Variants in ASB1 observed in about 807,000 individuals in gnomAD.
ASB1 encodes ankyrin repeat and SOCS box protein 1.
In ASB1, 18 loss-of-function variants were observed where a neutral mutation model predicts 27.7. The observed-to-expected ratio is 0.65, with a 90% CI of 0.45 to 0.96. The LOEUF (loss-of-function observed/expected upper bound fraction) is 0.96. Among genes scored for constraint, ASB1 ranks in the 50% least tolerant of loss-of-function variants. ASB1 has a pLI of 0.00. For synonymous variants in ASB1, 189 were observed against 187.6 expected (o/e 1.01, Z -0.06); for missense variants, 397 against 451.7 (o/e 0.88, Z 1.10).
At position 238,433,539 on chromosome 2, in the gene ASB1, C is replaced by A. The variant is rs569248915; in HGVS notation, c.50-15C>A. On this transcript the variant is annotated splice_polypyrimidine_tract_variant and intron_variant, in intron 1 of 4. Coordinates refer to ENST00000264607, the MANE Select transcript of ASB1 (RefSeq NM_001040445.3). ...GGCCTCCATGAGCTAACAGGAGCCC[C>A]TCTCTTCAGTGCAGGTCGTAATCTG... is the stretch of plus-strand genomic sequence containing the variant. 14 of 1,613,578 alleles carry A rather than the reference C, an allele frequency of 8.7e-6. No homozygotes were observed. In the South Asian group the frequency reaches 1.4e-4, roughly 16 times the overall value.
At chr2:238,438,659 G>A (rs1032332895) in intron 3 of ASB1, among the ~76,000 whole-genome samples, 1 of 152,336 alleles carries the variant, frequency 6.6e-6, no homozygotes, top group Non-Finnish European at 1.5e-5. Context: ...ATAGTAGAGT[G>A]ATACGGTTAA....
chr2:238,426,968 G>A lies in ASB1; in HGVS notation c.-103G>A. The A allele has an allele frequency of 3.2e-6, 3 of 950,290 alleles. No individual in the cohort carries two copies. The highest frequency in any genetic ancestry group is 2.7e-6 in the Non-Finnish European group (2 of 734,636). The allele number at this position is 950,290 out of a possible 1,614,324, so 58.9% of individuals were successfully genotyped here. On this transcript the variant is annotated 5_prime_UTR_variant, in exon 1 of 5. Coordinates refer to ENST00000264607, the MANE Select transcript of ASB1 (RefSeq NM_001040445.3). ...GCCCGCCGGAAGCCGCGACCCCGACGCGCCCCCCATTGCCCTCGGCGCCGG... is the reference window on the plus strand; with the variant it reads ...GCCCGCCGGAAGCCGCGACCCCGACACGCCCCCCATTGCCCTCGGCGCCGG...
In ASB1 at chr2:238,444,329, T is replaced by G. The variant is rs758845690; in HGVS notation, c.495-13T>G. 2.5e-6 allele frequency: 4 copies of G among 1,591,506 alleles called. No individual in the cohort carries two copies. The highest frequency in any genetic ancestry group is 2.6e-6 in the Non-Finnish European group (3 of 1,164,448). On this transcript the variant is annotated splice_polypyrimidine_tract_variant and intron_variant, in intron 3 of 4. Coordinates refer to ENST00000264607, the MANE Select transcript of ASB1 (RefSeq NM_001040445.3). ...TCCCCTGCACAGTCTGACTTTCCCTTTCTTCCCTGCAGGTACGGGGCTGAT... is the reference window on the plus strand; with the variant it reads ...TCCCCTGCACAGTCTGACTTTCCCTGTCTTCCCTGCAGGTACGGGGCTGAT...
intron 3 of ASB1, among the ~76,000 whole-genome samples, chr2:238,443,936 T>G (rs571004191): frequency 6.6e-6 from 1 of 152,378 alleles, no homozygotes; most frequent in East Asian, 1.9e-4. Flanking sequence ...TATTGAAGAT[T>G]TAAAAGTTGG....
intron 2 of ASB1, 63 bp from the exon 3 acceptor site, chr2:238,435,648 G>A: frequency 1.3e-6 from 2 of 1,506,344 alleles, no homozygotes; most frequent in Non-Finnish European, 1.8e-6. Flanking sequence ...GGTGAGGGGG[G>A]CAGTGCAGCC....
Position 238,446,651 on chromosome 2 carries a change from C to T in ASB1, c.*140C>T, listed in dbSNP as rs1042986510. The T allele has an allele frequency of 6.3e-6, 7 of 1,111,194 alleles. No individual in the cohort carries two copies. The highest frequency in any genetic ancestry group is 9.3e-6 in the Non-Finnish European group (7 of 751,608). The allele number at this position is 1,111,194 out of a possible 1,614,324, so 68.8% of individuals were successfully genotyped here. A position where few individuals can be genotyped will look rare whatever the true frequency, so the allele number is the denominator to read the frequency against. The stretch of plus-strand genomic sequence containing the variant: ...ATGTCCTCGTAGACTGTCATTGCTC[C>T]TCAGGTGCCTGGGCCGCTGAACAGT... On this transcript the variant is annotated 3_prime_UTR_variant, in exon 5 of 5. Coordinates refer to ENST00000264607, the MANE Select transcript of ASB1 (RefSeq NM_001040445.3).
intron 1 of ASB1, among the ~76,000 whole-genome samples, chr2:238,430,757 T>C (rs903526554): frequency 2.0e-5 from 3 of 152,254 alleles, no homozygotes; most frequent in South Asian, 2.1e-4. Flanking sequence ...GGAATGGCTG[T>C]GTTCGCAGGC....
At chr2:238,441,621 T>A (rs991196398) in intron 3 of ASB1, among the ~76,000 whole-genome samples, 1 of 152,166 alleles carries the variant, frequency 6.6e-6, no homozygotes, top group Non-Finnish European at 1.5e-5. Flanking sequence ...CTTCCTGTGC[T>A]CGGAGGCTGC....
chr2:238,440,959 G>A (rs937040734), intron 3 of ASB1, among the ~76,000 whole-genome samples: 3 of 152,152 alleles, frequency 2.0e-5, no homozygotes, highest in Non-Finnish European at 2.9e-5. Context: ...CTGCCCTGCC[G>A]ACAAGCTGTG....
At chr2:238,432,371 G>C (rs1325069188) in intron 1 of ASB1, among the ~76,000 whole-genome samples, 1 of 152,140 alleles carries the variant, frequency 6.6e-6, no homozygotes, top group African/African-American at 2.4e-5. Flanking sequence ...TGCTTATTCT[G>C]TTCTTTTGTG....
chr2:238,433,288 T>G, intron 1 of ASB1: 2 of 345,896 alleles, frequency 5.8e-6, no homozygotes, highest in Non-Finnish European at 1.1e-5. Context: ...CTATTTTCTG[T>G]GATTTATTTC....
intron 1 of ASB1, among the ~76,000 whole-genome samples, chr2:238,431,407 C>G (rs1048941174): frequency 6.6e-6 from 1 of 152,248 alleles, no homozygotes; most frequent in Admixed American, 6.5e-5. Flanking sequence ...AATGTTGTGG[C>G]TGGTTTGATC....
intron 3 of ASB1, among the ~76,000 whole-genome samples, chr2:238,439,416 A>G (rs1301255710): frequency 6.6e-6 from 1 of 152,108 alleles, no homozygotes; most frequent in African/African-American, 2.4e-5. Context: ...TTCTCTGGAC[A>G]CTCAGGATGG....
chr2:238,434,758 C>T (rs549077255), intron 2 of ASB1, among the ~76,000 whole-genome samples: 12 of 152,326 alleles, frequency 7.9e-5, no homozygotes, highest in Admixed American at 2.6e-4. Flanking sequence ...AAATAGAGTT[C>T]GGTGAGGTCT....
At chr2:238,440,843 G>A (rs1431806949) in intron 3 of ASB1, among the ~76,000 whole-genome samples, 1 of 152,250 alleles carries the variant, frequency 6.6e-6, no homozygotes, top group African/African-American at 2.4e-5. Flanking sequence ...TGCCCTATGT[G>A]AGATTTGTTT....
chr2:238,427,183 TC>T, intron 1 of ASB1, 64 bp downstream of exon 1: 1 of 1,164,106 alleles, frequency 8.6e-7, no homozygotes, highest in Non-Finnish European at 1.1e-6. Context: ...GGCTCCGGCG[TC>T]CCTGCCGAGG....
Position 238,444,658 on chromosome 2 carries a change from C to G in ASB1, c.811C>G (p.Leu271Val), listed in dbSNP as rs1209723794. Residue 271 changes from leucine (L) to valine (V), a missense_variant, in exon 4 of 5, where the codon CTG becomes GTG. Physicochemically the swap from Leu to Val is conservative, Grantham distance 32 (BLOSUM62 1). Coordinates refer to ENST00000264607, the MANE Select transcript of ASB1 (RefSeq NM_001040445.3). ...CCTGAATCTAGTGAAGTGGGAATCG[C>G]TGGGCCCAGAGTCGAGAGGAAGAAG... ...ANLNLVKWES[L>V]GPESRGRRKV... 1 of 1,614,150 alleles carries G rather than the reference C, an allele frequency of 6.2e-7. No individual in the cohort carries two copies.
chr2:238,431,692 G>A (rs1701873725), intron 1 of ASB1, among the ~76,000 whole-genome samples: 1 of 152,156 alleles, frequency 6.6e-6, no homozygotes, highest in Non-Finnish European at 1.5e-5. Flanking sequence ...GCTGTTGTAG[G>A]GTTATTAATT....
chr2:238,436,341 A>T (rs866408613), intron 3 of ASB1, among the ~76,000 whole-genome samples: 2 of 151,548 alleles, frequency 1.3e-5, no homozygotes, highest in South Asian at 4.2e-4. Flanking sequence ...TTTCCTTATT[A>T]TTTAAATAGC....
Sources: gnomAD v4.1 joint callset for allele counts (sites outside exome capture counted in the v4.1 genomes callset) on GRCh38, gnomAD v4.1.1 for gene constraint, MANE v1.5 for transcripts, NCBI Gene and HGNC (gene_info 2026-07-23, HGNC 2026-07-21) for gene names.